Variants in BOLL observed in about 807,000 individuals in gnomAD.
The protein encoded by BOLL is boule RNA binding protein, also known as protein boule-like.
Under a neutral mutation model 44.4 loss-of-function variants are expected in BOLL, and 23 were observed. That is an observed-to-expected ratio of 0.52 (90% CI 0.37 to 0.73). The LOEUF is 0.73. Ranked by LOEUF, BOLL falls within the 30% of genes least tolerant of loss-of-function variation. BOLL has a pLI of 0.00. For missense variants in BOLL, 287 were observed against 338.3 expected (o/e 0.85, Z 1.19); for synonymous variants, 97 against 110.8 (o/e 0.88, Z 0.78).
At chr2:197,763,479 T>TA (rs34230740) in intron 7 of BOLL, among the ~76,000 whole-genome samples, 88,950 of 127,386 alleles carry the variant, frequency 0.7, 31,215 homozygotes, top group Middle Eastern at 0.84. Flanking sequence ...GAGTCCGTCT[T>TA]AAAAAAAAAA....
At chr2:197,769,795 G>T (rs1362420848) in intron 6 of BOLL, among the ~76,000 whole-genome samples, 25 of 152,108 alleles carry the variant, frequency 1.6e-4, no homozygotes, top group Non-Finnish European at 1.5e-5. Flanking sequence ...ACTTACAAGG[G>T]ATGTGAAGGA....
rs555603534 is a variant in BOLL at position 197,728,856 on chromosome 2, G to A, written c.829-278C>T. On this transcript the variant is annotated intron_variant, in intron 10 of 10. Transcript: ENST00000392296. ...AGTAAATAAAATGAGGGATGGGTCA[G>A]CACAGATTACGAGTTACAACATTTC... Among the ~76,000 whole-genome samples the A allele has an allele frequency of 1.1e-4, 17 of 152,308 alleles. No individual in the cohort carries two copies. The South Asian group carries it at 3.1e-3, about 28-fold the overall frequency.
upstream of BOLL, among the ~76,000 whole-genome samples, chr2:197,785,677 G>A (rs968257177): frequency 1.3e-5 from 2 of 152,196 alleles, no homozygotes; most frequent in African/African-American, 4.8e-5. This position sits in a 1 kb window ranked among gnomAD's most constrained non-coding sequence, Gnocchi z 6.7. Flanking sequence ...TTACCTGCTC[G>A]GACTTCGCTG....
rs115057700 is a variant in BOLL at position 197,736,520 on chromosome 2, A to G, written c.828+6541T>C. Among the ~76,000 whole-genome samples the G allele has an allele frequency of 7.1e-3, 1,083 of 152,234 alleles. 21 individuals carry two copies. Among genetic ancestry groups the G allele is most frequent in the African/African-American group, 0.024 (1,014 of 41,558 alleles). On this transcript the variant is annotated intron_variant, in intron 10 of 10. Transcript: ENST00000392296. ...ATTTCTTCGTTTTGCTAATTGTTTC[A>G]ATTATAAGCTGTTAGAAGTTGAGTG...
chr2:197,732,123 G>C lies in BOLL; in HGVS notation c.829-3545C>G, dbSNP rs193211844. On this transcript the variant is annotated intron_variant, in intron 10 of 10. Coordinates refer to ENST00000392296, the MANE Select transcript of BOLL (RefSeq NM_033030.6). ...ATAGACGCAATAAAAAATGATAAAG[G>C]GGATATCACCACCGAGCCCACAGAA... 6.3e-3 allele frequency among the ~76,000 whole-genome samples: 934 copies of C among 148,996 alleles called. 13 individuals carry two copies. The highest frequency in any genetic ancestry group is 0.022 in the African/African-American group (889 of 40,408).
intron 5 of BOLL, among the ~76,000 whole-genome samples, chr2:197,772,608 A>T (rs1411495529): frequency 6.6e-6 from 1 of 151,958 alleles, no homozygotes; most frequent in Non-Finnish European, 1.5e-5. Context: ...TGTTGCAAAC[A>T]TGACCGCAAG....
intron 9 of BOLL, among the ~76,000 whole-genome samples, chr2:197,745,697 A>T (rs1687957530): frequency 6.6e-6 from 1 of 152,098 alleles, no homozygotes; most frequent in African/African-American, 2.4e-5. Flanking sequence ...AATGCCTATG[A>T]CTCCCAAACC....
At position 197,730,024 on chromosome 2, in the gene BOLL, G is replaced by A. The variant is rs1192377032; in HGVS notation, c.829-1446C>T. ...ACGATCAAATTACTCTGAGCTACGG[G>A]AGGACATTCAAACCAAAGGCAAAGA... On this transcript the variant is annotated intron_variant, in intron 10 of 10. Transcript: ENST00000392296. Among the ~76,000 whole-genome samples, 358 of 148,782 alleles carry A rather than the reference G, an allele frequency of 2.4e-3. 3 individuals carry two copies. Among genetic ancestry groups the A allele is most frequent in the Middle Eastern group, 7.0e-3 (2 of 284 alleles).
chr2:197,768,611 G>C (rs866006977), intron 6 of BOLL, among the ~76,000 whole-genome samples: 6 of 151,290 alleles, frequency 4.0e-5, no homozygotes, highest in Admixed American at 1.3e-4. Flanking sequence ...TGGATTAGTC[G>C]ATACATAAAT....
Position 197,727,444 on chromosome 2 carries a change from A to C in BOLL, c.*1111T>G, listed in dbSNP as rs976865434. 4 of 152,422 alleles carry C rather than the reference A, an allele frequency of 2.6e-5. No individual in the cohort carries two copies. The South Asian group carries it at 8.3e-4, about 32-fold the overall frequency. 9.4% of individuals were successfully genotyped at this position (152,422 alleles called of 1,614,324 possible). ...AGGAATATTTCCTGTACTACTGTAG[A>C]AATTTTAGAGATTAAAAACCCCTAT... On this transcript the variant is annotated 3_prime_UTR_variant, in exon 11 of 11. Coordinates refer to ENST00000392296, the MANE Select transcript of BOLL (RefSeq NM_033030.6).
intron 6 of BOLL, among the ~76,000 whole-genome samples, chr2:197,769,597 A>T (rs1689145550): frequency 6.6e-6 from 1 of 152,132 alleles, no homozygotes. Flanking sequence ...TATATTTAGA[A>T]AACCCCATCA....
chr2:197,735,459 A>G (rs1687441132), intron 10 of BOLL, among the ~76,000 whole-genome samples: 1 of 152,046 alleles, frequency 6.6e-6, no homozygotes, highest in African/African-American at 2.4e-5. Context: ...TTTTGATTCT[A>G]CGTTCTGAAA....
At chr2:197,766,486 A>G in intron 7 of BOLL, 46 bp downstream of exon 7, 1 of 1,438,386 alleles carries the variant, frequency 7.0e-7, no homozygotes, top group Non-Finnish European at 9.7e-7. Flanking sequence ...TAGCTAAGAA[A>G]GGACTGAAAG....
chr2:197,751,700 G>A (rs1032084967), intron 9 of BOLL, among the ~76,000 whole-genome samples: 4 of 152,056 alleles, frequency 2.6e-5, no homozygotes, highest in East Asian at 1.9e-4. Flanking sequence ...ATTCATAGCC[G>A]AATTCTACCA....
At chr2:197,729,180 G>A (rs984856982) in intron 10 of BOLL, among the ~76,000 whole-genome samples, 1 of 152,216 alleles carries the variant, frequency 6.6e-6, no homozygotes, top group African/African-American at 2.4e-5. Context: ...AAGGGGTCAG[G>A]GAGTTCCCTT....
intron 10 of BOLL, among the ~76,000 whole-genome samples, chr2:197,738,724 G>A (rs977140851): frequency 6.6e-6 from 1 of 151,830 alleles, no homozygotes; most frequent in Non-Finnish European, 1.5e-5. Context: ...TGAGTTTTAC[G>A]CTTATAAAAA....
intron 1 of BOLL, among the ~76,000 whole-genome samples, chr2:197,782,477 T>C (rs1287009878): frequency 6.6e-6 from 1 of 152,198 alleles, no homozygotes; most frequent in Non-Finnish European, 1.5e-5. Flanking sequence ...CTCGATCCAT[T>C]TTTCTTTCCT....
intron 10 of BOLL, among the ~76,000 whole-genome samples, chr2:197,729,534 C>A (rs1370265394): frequency 6.6e-6 from 1 of 152,142 alleles, no homozygotes. Flanking sequence ...ACAAAAAGAT[C>A]AGTAACCTCT....
At chr2:197,757,465 CT>C in intron 7 of BOLL, 65 bp from the exon 8 acceptor site, 1 of 1,415,372 alleles carries the variant, frequency 7.1e-7, no homozygotes, top group Middle Eastern at 2.2e-4. Flanking sequence ...AACTAGATAT[CT>C]ACAGGCAAAA....
Sources: allele counts gnomAD v4.1 joint callset (sites outside exome capture counted in the v4.1 genomes callset), GRCh38; gene constraint gnomAD v4.1.1; non-coding constraint Gnocchi (gnomAD v3.1); transcripts MANE v1.5; gene names NCBI Gene and HGNC (gene_info 2026-07-23, HGNC 2026-07-21).